The following PTPRM variants were observed in gnomAD, a reference collection of about 807,000 sequenced individuals.
PTPRM encodes the protein receptor-type tyrosine-protein phosphatase mu.
In PTPRM, 47 loss-of-function variants were observed where a neutral mutation model predicts 186.7. The observed-to-expected ratio is 0.25, with a 90% CI of 0.20 to 0.32. The LOEUF (loss-of-function observed/expected upper bound fraction) is 0.32. PTPRM is among the 10% of genes least tolerant of loss of function. The pLI, the probability that PTPRM is intolerant of heterozygous loss-of-function variation, is 1.00. For synonymous variants in PTPRM, 668 were observed against 674.9 expected (o/e 0.99, Z 0.16); for missense variants, 1,494 against 1,865.0 (o/e 0.80, Z 3.66).
intron 14 of PTPRM, among the ~76,000 whole-genome samples, chr18:8,212,481 T>G (rs2094019999): frequency 6.6e-6 from 1 of 152,196 alleles, no homozygotes; most frequent in African/African-American, 2.4e-5. Flanking sequence ...TATGTAACAA[T>G]GACATATTTA....
intron 32 of PTPRM, 150 bp downstream of exon 32, chr18:8,394,761 CTTCT>C: frequency 2.3e-6 from 2 of 855,346 alleles, no homozygotes; most frequent in Non-Finnish European, 3.3e-6. Context: ...GGGCTTTTTT[CTTCT>C]TTCTTGTTCT....
At chr18:7,587,893 A>G (rs1005943829) in intron 1 of PTPRM, among the ~76,000 whole-genome samples, 2 of 152,128 alleles carry the variant, frequency 1.3e-5, no homozygotes, top group Admixed American at 6.5e-5. Context: ...AAAGTCTAAC[A>G]TAGTTTTTAA....
chr18:7,606,314 G>T (rs1352232495), intron 1 of PTPRM, among the ~76,000 whole-genome samples: 1 of 152,116 alleles, frequency 6.6e-6, no homozygotes, highest in Non-Finnish European at 1.5e-5. Context: ...GGTTGCTTCT[G>T]TGGAAGAAGA....
intron 13 of PTPRM, among the ~76,000 whole-genome samples, chr18:8,139,805 C>A (rs1230955264): frequency 6.6e-6 from 1 of 152,134 alleles, no homozygotes; most frequent in Non-Finnish European, 1.5e-5. Flanking sequence ...GCCCACTCCC[C>A]TTGATTTTTC....
chr18:8,252,781 T>C (rs190337690), intron 18 of PTPRM, among the ~76,000 whole-genome samples: 1 of 152,358 alleles, frequency 6.6e-6, no homozygotes, highest in East Asian at 1.9e-4. Flanking sequence ...TTTCCATTGC[T>C]AGCTTTATAA....
intron 14 of PTPRM, among the ~76,000 whole-genome samples, chr18:8,175,032 TCA>T (rs1466613023): frequency 1.3e-5 from 2 of 152,222 alleles, no homozygotes; most frequent in African/African-American, 4.8e-5. Flanking sequence ...GCTAATGCCC[TCA>T]CAAATAGAGT....
At chr18:7,995,307 C>T (rs1225876964) in intron 7 of PTPRM, among the ~76,000 whole-genome samples, 2 of 151,894 alleles carry the variant, frequency 1.3e-5, no homozygotes, top group Non-Finnish European at 2.9e-5. Context: ...AAAGAAAAGC[C>T]CAGGATCAGA....
intron 2 of PTPRM, among the ~76,000 whole-genome samples, chr18:7,876,118 G>C (rs936080303): frequency 1.1e-4 from 6 of 55,456 alleles, no homozygotes; most frequent in Admixed American, 2.8e-4. Context: ...ATGCATGACT[G>C]TGTGTGTGTG....
intron 14 of PTPRM, among the ~76,000 whole-genome samples, chr18:8,169,895 T>A (rs1040670280): frequency 1.3e-5 from 2 of 152,200 alleles, no homozygotes; most frequent in African/African-American, 4.8e-5. Context: ...AGTATTCACT[T>A]TACACTCCTG....
intron 1 of PTPRM, among the ~76,000 whole-genome samples, chr18:7,628,973 T>C (rs984199517): frequency 2.6e-5 from 4 of 152,248 alleles, no homozygotes; most frequent in African/African-American, 9.6e-5. Flanking sequence ...GCTGGTTTCA[T>C]GACCACTGTG....
chr18:8,282,347 A>G (rs893496713), intron 19 of PTPRM, among the ~76,000 whole-genome samples: 1 of 152,190 alleles, frequency 6.6e-6, no homozygotes, highest in Non-Finnish European at 1.5e-5. Flanking sequence ...CACTCTGGAA[A>G]ATCTTTAAGC....
chr18:7,567,911 C>T lies in PTPRM; in HGVS notation c.73+20C>T. The stretch of plus-strand genomic sequence containing the variant: ...TCTCAGGTAAGCGGGACCGCCTCTG[C>T]CGCCCCCGAGGCGCGCGGGCCGGCG... On this transcript the variant is annotated intron_variant, in intron 1 of 32. Transcript: ENST00000580170. The surrounding 1 kb of genome is among the most constrained non-coding windows in gnomAD (Gnocchi z 4.3). The T allele has an allele frequency of 1.9e-6, 3 of 1,540,452 alleles. No homozygotes were observed. The highest frequency in any genetic ancestry group is 1.2e-5 in the South Asian group (1 of 83,938).
At chr18:7,862,864 T>C (rs1016020457) in intron 2 of PTPRM, among the ~76,000 whole-genome samples, 1 of 152,174 alleles carries the variant, frequency 6.6e-6, no homozygotes, top group Non-Finnish European at 1.5e-5. Flanking sequence ...GCAAGTTACC[T>C]GGGGATGTCT....
chr18:7,931,690 AAAAT>A (rs1248004747), intron 5 of PTPRM, among the ~76,000 whole-genome samples: 1 of 152,228 alleles, frequency 6.6e-6, no homozygotes, highest in African/African-American at 2.4e-5. Flanking sequence ...AAAATAAATA[AAAAT>A]AAATAAATAA....
At chr18:7,859,306 CTTCCCTGATCCCCCTCTAGGGAAA>C (rs1211760170) in intron 2 of PTPRM, among the ~76,000 whole-genome samples, 63 of 152,212 alleles carry the variant, frequency 4.1e-4, no homozygotes, top group African/African-American at 1.5e-3. Context: ...TTCTGCTGTG[CTTCCCTGATCCCCCTCTAGGGAAA>C]TTCCCTGATG....
chr18:7,856,028 A>G (rs1252344603), intron 2 of PTPRM, among the ~76,000 whole-genome samples: 1 of 152,152 alleles, frequency 6.6e-6, no homozygotes, highest in Non-Finnish European at 1.5e-5. Flanking sequence ...GCTTGGTTTA[A>G]TTATGAGATA....
At chr18:7,734,254 G>A (rs2040722052) in intron 1 of PTPRM, among the ~76,000 whole-genome samples, 1 of 152,190 alleles carries the variant, frequency 6.6e-6, no homozygotes. Flanking sequence ...GGGCAGTGGA[G>A]TGTGGAGGAG....
intron 19 of PTPRM, among the ~76,000 whole-genome samples, chr18:8,293,923 T>C (rs1296690639): frequency 3.3e-5 from 5 of 152,196 alleles, no homozygotes; most frequent in Non-Finnish European, 7.3e-5. Context: ...TACAGGGTTT[T>C]ACTTTTTATA....
At chr18:7,912,403 T>C (rs758963205) in intron 4 of PTPRM, among the ~76,000 whole-genome samples, 2 of 152,230 alleles carry the variant, frequency 1.3e-5, no homozygotes, top group African/African-American at 2.4e-5. Context: ...GCTACAAGTA[T>C]GATACTATTT....
Sources: gnomAD v4.1 joint callset for allele counts (sites outside exome capture counted in the v4.1 genomes callset) on GRCh38, gnomAD v4.1.1 for gene constraint, Gnocchi (gnomAD v3.1) non-coding constraint, MANE v1.5 for transcripts, NCBI Gene and HGNC (gene_info 2026-07-23, HGNC 2026-07-21) for gene names.